DCBLD2: variants seen among roughly 807,000 people sequenced by gnomAD.
DCBLD2 encodes the protein discoidin, CUB and LCCL domain containing 2, also known as discoidin, CUB and LCCL domain-containing protein 2.
A neutral mutation model predicts 86.8 loss-of-function variants in DCBLD2; 54 were observed. That is an observed-to-expected ratio of 0.62 (90% CI 0.50 to 0.78). DCBLD2 has a LOEUF of 0.78. Ranked by LOEUF, DCBLD2 falls within the 30% of genes least tolerant of loss-of-function variation. The pLI is 0.00. For missense variants in DCBLD2, 908 were observed against 954.2 expected, an observed-to-expected ratio of 0.95 and a Z score of 0.64; for synonymous variants, 354 against 341.3, an observed-to-expected ratio of 1.04 and a Z score of -0.41.
chr3:98,889,716 T>C (rs779066553), intron 1 of DCBLD2, among the ~76,000 whole-genome samples: 8 of 152,078 alleles, frequency 5.3e-5, no homozygotes, highest in Non-Finnish European at 1.2e-4. Flanking sequence ...AACACCTAGC[T>C]TCTCAAATAC....
chr3:98,865,351 G>A (rs1005721659), intron 2 of DCBLD2, among the ~76,000 whole-genome samples: 2 of 151,982 alleles, frequency 1.3e-5, no homozygotes, highest in Admixed American at 6.6e-5. Flanking sequence ...GATGTTAAGC[G>A]AAATAAGCAA....
At position 98,822,324 on chromosome 3, in the gene DCBLD2, A is replaced by G; in HGVS notation, c.734T>C (p.Val245Ala). The G allele has an allele frequency of 6.2e-7, 1 of 1,613,882 alleles. No homozygotes were observed. The highest frequency in any genetic ancestry group is 1.1e-5 in the South Asian group (1 of 91,078). ...PLCMAGVHAG[V>A]VSNTLGGQIS... is the part of the protein sequence containing the mutation. ...TTGGCCGCCCAACGTGTTTGACACT[A>G]CTCCTGCATGCACACCAGCCATGCA... is the stretch of plus-strand genomic sequence containing the variant. The change falls in exon 6 of 16, where the codon GTA becomes GCA. Residue 245 changes from valine (V) to alanine (A), a missense_variant. This residue lies in a region of DCBLD2 where 606 missense variants were observed against 678.5 expected (regional missense o/e 0.89). Transcript: ENST00000326840.
At chr3:98,838,105 C>G (rs867780225) in intron 3 of DCBLD2, among the ~76,000 whole-genome samples, 7 of 142,086 alleles carry the variant, frequency 4.9e-5, no homozygotes, top group South Asian at 2.3e-4. Flanking sequence ...CTGAACCCCC[C>G]ACCTCCCTCC....
intron 2 of DCBLD2, among the ~76,000 whole-genome samples, chr3:98,861,895 T>C (rs1395784241): frequency 1.3e-5 from 2 of 148,776 alleles, no homozygotes; most frequent in African/African-American, 2.5e-5. Context: ...CTGAAGGAGA[T>C]AGGGACACAA....
Position 98,811,460 on chromosome 3 carries a change from A to G in DCBLD2, c.1450+8T>C, listed in dbSNP as rs377742486. ...AATATCAAATTCTCACATTAAAAACAGGCATACCTTTGGCTATTTTTGGAG... is the reference window on the plus strand; with the variant it reads ...AATATCAAATTCTCACATTAAAAACGGGCATACCTTTGGCTATTTTTGGAG... On this transcript the variant is annotated splice_region_variant and intron_variant, in intron 11 of 15. Transcript: ENST00000326840. 3.1e-6 allele frequency: 5 copies of G among 1,613,464 alleles called. No individual in the cohort carries two copies. Among genetic ancestry groups the G allele is most frequent in the Non-Finnish European group, 4.2e-6 (5 of 1,179,628 alleles).
At chr3:98,880,722 G>A (rs145322292) in intron 2 of DCBLD2, among the ~76,000 whole-genome samples, 2 of 152,050 alleles carry the variant, frequency 1.3e-5, no homozygotes, top group South Asian at 4.2e-4. Flanking sequence ...TTCTAAGCAC[G>A]TTACACATAC....
intron 9 of DCBLD2, among the ~76,000 whole-genome samples, chr3:98,816,792 T>C (rs1250060141): frequency 6.6e-6 from 1 of 152,172 alleles, no homozygotes; most frequent in Non-Finnish European, 1.5e-5. Context: ...TTCTTTTTTT[T>C]CCACTTTGAG....
intron 1 of DCBLD2, among the ~76,000 whole-genome samples, chr3:98,899,548 T>C (rs1336284030): frequency 2.6e-5 from 4 of 152,134 alleles, no homozygotes; most frequent in African/African-American, 7.2e-5. Flanking sequence ...CCGCGCCCGG[T>C]AGACTGGCCT....
rs757407135 is a variant in DCBLD2 at position 98,799,322 on chromosome 3, A to AC, written c.*49_*50insG. On this transcript the variant is annotated 3_prime_UTR_variant, in exon 16 of 16. Coordinates refer to ENST00000326840, the MANE Select transcript of DCBLD2 (RefSeq NM_080927.4). ...TATTACTACCACTAATAATTAAAAA[A>AC]AAAAGGCCATGTGCTTTAAAACGAT... is the stretch of plus-strand genomic sequence containing the variant. The AC allele has an allele frequency of 3.3e-6, 5 of 1,519,908 alleles. No homozygotes were observed. Among genetic ancestry groups the AC allele is most frequent in the Non-Finnish European group, 4.4e-6 (5 of 1,134,190 alleles). The allele number at this position is 1,519,908 out of a possible 1,614,324, so 94.2% of individuals were successfully genotyped here.
chr3:98,822,871 CCCA>C (rs1460491613), intron 4 of DCBLD2, 130 bp from the exon 5 acceptor site: 4 of 696,264 alleles, frequency 5.7e-6, no homozygotes, highest in Non-Finnish European at 4.6e-6. Flanking sequence ...CCCTCAAAGA[CCCA>C]CCACTTCTTT....
Position 98,833,588 on chromosome 3 carries a change from C to T in DCBLD2, c.572-8222G>A, listed in dbSNP as rs148110153. 1.4e-4 allele frequency among the ~76,000 whole-genome samples: 22 copies of T among 152,290 alleles called. 1 individual carries two copies. In the East Asian group the frequency reaches 3.9e-3, roughly 27 times the overall value. On this transcript the variant is annotated intron_variant, in intron 3 of 15. Coordinates refer to ENST00000326840, the MANE Select transcript of DCBLD2 (RefSeq NM_080927.4). ...GGGTGTTCCTTTAACTGCTGGGCTG[C>T]CTCTAATTGAAGTGGTCAGGTGGGG...
intron 2 of DCBLD2, among the ~76,000 whole-genome samples, chr3:98,872,614 T>C (rs1943298710): frequency 6.6e-6 from 1 of 152,166 alleles, no homozygotes; most frequent in Admixed American, 6.6e-5. Context: ...TCATTGAATG[T>C]TTTATAGGCA....
intron 13 of DCBLD2, among the ~76,000 whole-genome samples, chr3:98,804,611 C>T (rs1941795449): frequency 6.6e-6 from 1 of 152,106 alleles, no homozygotes; most frequent in Non-Finnish European, 1.5e-5. Context: ...GCTCTTGCTT[C>T]TCTAGTTCTT....
At chr3:98,809,227 TCCTTTGTCGC>T (rs1212748825) in intron 12 of DCBLD2, among the ~76,000 whole-genome samples, 1 of 152,102 alleles carries the variant, frequency 6.6e-6, no homozygotes, top group Non-Finnish European at 1.5e-5. Flanking sequence ...ATTAGTTTCT[TCCTTTGTCGC>T]TCAACCCCCT....
chr3:98,812,122 T>A (rs1941949105), intron 10 of DCBLD2, among the ~76,000 whole-genome samples: 1 of 151,688 alleles, frequency 6.6e-6, no homozygotes. Flanking sequence ...ATGATGCTAT[T>A]TCTTCTTCCA....
At chr3:98,825,646 TATATATATATATA>T (rs1559775669) in intron 3 of DCBLD2, among the ~76,000 whole-genome samples, 6 of 15,236 alleles carry the variant, frequency 3.9e-4, no homozygotes, top group African/African-American at 2.5e-3. Context: ...TGTGTATTTA[TATATATATATATA>T]TATATATATA....
At chr3:98,897,083 TAATTC>T (rs1943763057) in intron 1 of DCBLD2, among the ~76,000 whole-genome samples, 1 of 152,214 alleles carries the variant, frequency 6.6e-6, no homozygotes, top group Non-Finnish European at 1.5e-5. Flanking sequence ...TTTGTCATTT[TAATTC>T]TACTACTGGT....
At chr3:98,898,987 T>C (rs1943798241) in intron 1 of DCBLD2, among the ~76,000 whole-genome samples, 1 of 152,030 alleles carries the variant, frequency 6.6e-6, no homozygotes, top group Non-Finnish European at 1.5e-5. Flanking sequence ...ATGAGATAGG[T>C]ATGCATGCTC....
At chr3:98,860,930 A>G (rs900193627) in intron 2 of DCBLD2, among the ~76,000 whole-genome samples, 1 of 152,238 alleles carries the variant, frequency 6.6e-6, no homozygotes, top group Admixed American at 6.5e-5. Context: ...ATAGACTGGC[A>G]AATTGGATAA....
Sources: allele counts gnomAD v4.1 joint callset (sites outside exome capture counted in the v4.1 genomes callset), GRCh38; gene constraint gnomAD v4.1.1; regional missense constraint gnomAD v4.1.1; transcripts MANE v1.5; gene names NCBI Gene and HGNC (gene_info 2026-07-23, HGNC 2026-07-21).